SORL1-AS1: variants seen among roughly 807,000 people sequenced by gnomAD.
The protein encoded by SORL1-AS1 is SORL1 antisense RNA 1.
At position 121,452,593 on chromosome 11, in the gene SORL1-AS1, G is replaced by C. The variant is rs759477365; in HGVS notation, n.339+82C>G. 1.2e-5 allele frequency: 19 copies of C among 1,521,734 alleles called. 1 individual carries two copies. The South Asian group carries it at 2.3e-4, about 18-fold the overall frequency. 94.3% of individuals were successfully genotyped at this position (1,521,734 alleles called of 1,614,324 possible). On this transcript the variant is annotated intron_variant and non_coding_transcript_variant, in intron 1 of 1. Coordinates refer to ENST00000501964, the Ensembl canonical transcript of SORL1-AS1. This position sits in a 1 kb window ranked among gnomAD's most constrained non-coding sequence, Gnocchi z 5.3. ...GAAACGGAGCGCTGCCCTGCAGCCCGAGCCCATCAAGGTGTACGGACAGGT... is the reference window on the plus strand; with the variant it reads ...GAAACGGAGCGCTGCCCTGCAGCCCCAGCCCATCAAGGTGTACGGACAGGT...
downstream of SORL1-AS1, among the ~76,000 whole-genome samples, chr11:121,446,706 G>A (rs918949632): frequency 6.6e-6 from 1 of 151,094 alleles, no homozygotes; most frequent in Admixed American, 6.6e-5. Context: ...AGCTGAGATT[G>A]CACTACTGCA....
downstream of SORL1-AS1, among the ~76,000 whole-genome samples, chr11:121,444,099 T>G (rs1056393473): frequency 6.6e-6 from 1 of 151,838 alleles, no homozygotes; most frequent in Non-Finnish European, 1.5e-5. Context: ...CGCGTGGGTG[T>G]GTGTGTGTGT....
At position 121,450,683 on chromosome 11, in the gene SORL1-AS1, A is replaced by T. The variant is rs1860778266; in HGVS notation, n.340-784T>A. Reference sequence around the variant, plus strand: ...GTATTTTGATACCTGTATACAATGTATAATGAACAAAGCAGGGTGGTTAAC... The same window carrying T: ...GTATTTTGATACCTGTATACAATGTTTAATGAACAAAGCAGGGTGGTTAAC... On this transcript the variant is annotated intron_variant and non_coding_transcript_variant, in intron 1 of 1. Coordinates refer to ENST00000501964, the Ensembl canonical transcript of SORL1-AS1. This position sits in a 1 kb window ranked among gnomAD's most constrained non-coding sequence, Gnocchi z 5.2. Among the ~76,000 whole-genome samples, 1 of 152,172 alleles carries T rather than the reference A, an allele frequency of 6.6e-6. No homozygotes were observed.
chr11:121,452,606 T>A lies in SORL1-AS1; in HGVS notation n.339+69A>T, dbSNP rs1860821361. On this transcript the variant is annotated intron_variant and non_coding_transcript_variant, in intron 1 of 1. Transcript: ENST00000501964. The surrounding 1 kb of genome is among the most constrained non-coding windows in gnomAD (Gnocchi z 5.3). ...GCCCTGCAGCCCGAGCCCATCAAGG[T>A]GTACGGACAGGTGAGCAGTTTTGCA... 2 of 1,504,898 alleles carry A rather than the reference T, an allele frequency of 1.3e-6. No individual in the cohort carries two copies. The highest frequency in any genetic ancestry group is 1.7e-4 in the Middle Eastern group (1 of 5,796). 93.2% of individuals were successfully genotyped at this position (1,504,898 alleles called of 1,614,324 possible). A position where few individuals can be genotyped will look rare whatever the true frequency, so the allele number is the denominator to read the frequency against.
chr11:121,452,771 A>T lies in SORL1-AS1; in HGVS notation n.243T>A. 1.7e-6 allele frequency: 1 copy of T among 580,320 alleles called. No individual in the cohort carries two copies. The highest frequency in any genetic ancestry group is 2.8e-6 in the Non-Finnish European group (1 of 359,662). 35.9% of individuals were successfully genotyped at this position (580,320 alleles called of 1,614,324 possible). On this transcript the variant is annotated non_coding_transcript_exon_variant, in exon 1 of 2. Transcript: ENST00000501964. The surrounding 1 kb of genome is among the most constrained non-coding windows in gnomAD (Gnocchi z 5.3). ...TTTTTCCTTCACGAGTACAACCGTC[A>T]GCACTTGAATCGCATTGATCTTTCC...
At position 121,452,260 on chromosome 11, in the gene SORL1-AS1, G is replaced by T; in HGVS notation, n.339+415C>A. ...GAGCGGCGCGCGCGGTCCCGGCCCA[G>T]CGGCTCTCCTGGCCTCGCGCTGCAC... On this transcript the variant is annotated intron_variant and non_coding_transcript_variant, in intron 1 of 1. Transcript: ENST00000501964. The surrounding 1 kb of genome is among the most constrained non-coding windows in gnomAD (Gnocchi z 5.3). 7.8e-7 allele frequency: 1 copy of T among 1,277,784 alleles called. No individual in the cohort carries two copies. Among genetic ancestry groups the T allele is most frequent in the Non-Finnish European group, 1.0e-6 (1 of 986,804 alleles). The allele number at this position is 1,277,784 out of a possible 1,614,324, so 79.2% of individuals were successfully genotyped here.
At chr11:121,451,323 A>G (rs1009198623) in intron 1 of SORL1-AS1, among the ~76,000 whole-genome samples, 3 of 152,090 alleles carry the variant, frequency 2.0e-5, no homozygotes, top group Non-Finnish European at 4.4e-5. Context: ...TGGTTCAGAG[A>G]GTTTGGCTCG....
intron 1 of SORL1-AS1, among the ~76,000 whole-genome samples, chr11:121,451,734 T>A (rs1860795683): frequency 6.6e-6 from 1 of 151,946 alleles, no homozygotes; most frequent in Non-Finnish European, 1.5e-5. Flanking sequence ...AAACTGTGAG[T>A]TTCCCAATAG....
chr11:121,439,777 T>G, the SORL1-AS1 span, among the ~76,000 whole-genome samples: 97 of 152,260 alleles, frequency 6.4e-4, no homozygotes, highest in African/African-American at 2.3e-3. Context: ...CTGCTAAATC[T>G]CCTCTATTCT....
At chr11:121,443,892 G>A (rs572485368), downstream of SORL1-AS1, among the ~76,000 whole-genome samples, 8 of 152,298 alleles carry the variant, frequency 5.3e-5, 1 homozygote, top group South Asian at 1.4e-3. Flanking sequence ...AATTCATCTG[G>A]TCTTTTGTCT....
the SORL1-AS1 span, among the ~76,000 whole-genome samples, chr11:121,440,593 C>T: frequency 6.6e-6 from 1 of 152,190 alleles, no homozygotes; most frequent in African/African-American, 2.4e-5. Context: ...ACTAGAATTT[C>T]TTTCTCCCAA....
At chr11:121,439,246 A>C in the SORL1-AS1 span, among the ~76,000 whole-genome samples, 2 of 152,090 alleles carry the variant, frequency 1.3e-5, no homozygotes, top group African/African-American at 4.8e-5. Context: ...GGTACTGTTA[A>C]AATTTTTAAA....
At chr11:121,439,902 A>G in the SORL1-AS1 span, among the ~76,000 whole-genome samples, 1 of 152,252 alleles carries the variant, frequency 6.6e-6, no homozygotes, top group East Asian at 1.9e-4. Flanking sequence ...TTGGCCAATC[A>G]GAATGGACAC....
chr11:121,443,283 C>G (rs999241691), downstream of SORL1-AS1, among the ~76,000 whole-genome samples: 1 of 152,268 alleles, frequency 6.6e-6, no homozygotes, highest in South Asian at 2.1e-4. Context: ...AGCTGACCAC[C>G]CTTGAGGCAT....
chr11:121,439,971 C>T, the SORL1-AS1 span, among the ~76,000 whole-genome samples: 28 of 152,258 alleles, frequency 1.8e-4, no homozygotes, highest in Non-Finnish European at 3.7e-4. Context: ...ATTCATTAAT[C>T]TTCTAGTTAC....
rs898703716 is a variant in SORL1-AS1, at chr11:121,450,401, G to A, written n.340-502C>T. 6.6e-6 allele frequency among the ~76,000 whole-genome samples: 1 copy of A among 152,060 alleles called. No individual in the cohort carries two copies. Among genetic ancestry groups the A allele is most frequent in the Non-Finnish European group, 1.5e-5 (1 of 68,014 alleles). On this transcript the variant is annotated intron_variant and non_coding_transcript_variant, in intron 1 of 1. Transcript: ENST00000501964. This position sits in a 1 kb window ranked among gnomAD's most constrained non-coding sequence, Gnocchi z 5.2. Reference sequence around the variant, plus strand: ...AGATGAGGGGTGGGAGGTGACAGTGGTTCAGTGGCTTTCTTGGAGGATGCA... The same window carrying A: ...AGATGAGGGGTGGGAGGTGACAGTGATTCAGTGGCTTTCTTGGAGGATGCA...
the SORL1-AS1 span, among the ~76,000 whole-genome samples, chr11:121,438,748 C>T: frequency 6.6e-6 from 1 of 152,230 alleles, no homozygotes; most frequent in Non-Finnish European, 1.5e-5. Flanking sequence ...AAAGCCATGG[C>T]CAGGTGCGGT....
chr11:121,447,033 C>T (rs1318378878), downstream of SORL1-AS1, among the ~76,000 whole-genome samples: 1 of 152,206 alleles, frequency 6.6e-6, no homozygotes, highest in Admixed American at 6.5e-5. Flanking sequence ...TAATCTTCAG[C>T]TTAAGTTCCT....
downstream of SORL1-AS1, among the ~76,000 whole-genome samples, chr11:121,444,208 A>C (rs1335707853): frequency 6.6e-6 from 1 of 152,184 alleles, no homozygotes; most frequent in African/African-American, 2.4e-5. Context: ...GTGAGGTTGA[A>C]GGGACATGTA....
Sources: gnomAD v4.1 joint callset for allele counts (sites outside exome capture counted in the v4.1 genomes callset) on GRCh38, gnomAD v4.1.1 for gene constraint, Gnocchi (gnomAD v3.1) non-coding constraint, MANE v1.5 for transcripts, NCBI Gene and HGNC (gene_info 2026-07-23, HGNC 2026-07-21) for gene names.